ANO2: variants seen among roughly 807,000 people sequenced by gnomAD.
ANO2 encodes the protein anoctamin-2.
A neutral mutation model predicts 124.2 loss-of-function variants in ANO2; 101 were observed. The observed-to-expected ratio is 0.81, with a 90% CI of 0.69 to 0.96. ANO2 has a LOEUF of 0.96. ANO2 is among the 40% of genes least tolerant of loss of function. ANO2 has a pLI of 0.00. For synonymous variants in ANO2, 486 were observed against 482.5 expected (o/e 1.01, Z -0.09); for missense variants, 1,293 against 1,274.5 (o/e 1.01, Z -0.22).
chr12:5,652,599 CTT>C (rs1946966351), intron 14 of ANO2, among the ~76,000 whole-genome samples: 2 of 152,008 alleles, frequency 1.3e-5, no homozygotes, highest in South Asian at 4.2e-4. Flanking sequence ...TCAGACTTTT[CTT>C]GGTGGTGGTG....
At position 5,830,478 on chromosome 12, in the gene ANO2, TG is replaced by T; in HGVS notation, c.796del (p.Gln266ArgfsTer20). The T allele has an allele frequency of 1.2e-6, 2 of 1,612,324 alleles. No individual in the cohort carries two copies. Among genetic ancestry groups the T allele is most frequent in the Non-Finnish European group, 1.7e-6 (2 of 1,179,296 alleles). On this transcript the variant is annotated frameshift_variant, in exon 6 of 25. Transcript: ENST00000682330. LOFTEE classifies it high-confidence loss of function. ...SREKMYLYNI[Q>X]EKDTFFDNAT... The stretch of plus-strand genomic sequence containing the variant: ...ATTATCAAAGAAGGTGTCCTTTTCC[TG>T]GATGTTGTACCTGGAGACACCAAGA...
intron 8 of ANO2, 97 bp from the exon 9 acceptor site, chr12:5,806,190 G>A: frequency 7.8e-7 from 1 of 1,285,142 alleles, no homozygotes; most frequent in Non-Finnish European, 1.1e-6. Context: ...TAATATCATT[G>A]CTTTTTTTTC....
rs57038931 is a variant in ANO2, at chr12:5,873,196, G to GCTCTCTCTCT, written c.535-19065_535-19056dup. ...AACTTTGTTACTTTTGCCTAAAGCA[G>GCTCTCTCTCT]CTCTCTCTCTCTCTCTCTCTCTCTC... is the stretch of plus-strand genomic sequence containing the variant. On this transcript the variant is annotated intron_variant, in intron 3 of 24. Coordinates refer to ENST00000682330, the MANE Select transcript of ANO2 (RefSeq NM_001364791.2). 9.4e-3 allele frequency among the ~76,000 whole-genome samples: 1,117 copies of GCTCTCTCTCT among 118,852 alleles called. 28 individuals are homozygous for GCTCTCTCTCT. Among genetic ancestry groups the GCTCTCTCTCT allele is most frequent in the Middle Eastern group, 0.042 (7 of 166 alleles). The allele number at this position is 118,852 out of a possible 152,430, so 78.0% of individuals were successfully genotyped here.
intron 7 of ANO2, among the ~76,000 whole-genome samples, chr12:5,819,966 T>A (rs1490000805): frequency 6.6e-6 from 1 of 152,106 alleles, no homozygotes; most frequent in Admixed American, 6.5e-5. Flanking sequence ...GGCTTATTAA[T>A]CACAGTGTTC....
In ANO2 at chr12:5,621,744, C is replaced by CAG. The variant is rs1460339813; in HGVS notation, c.1817-6449_1817-6448dup. Among the ~76,000 whole-genome samples the CAG allele has an allele frequency of 2.0e-5, 3 of 151,564 alleles. No individual in the cohort carries two copies. The East Asian group carries it at 5.8e-4, about 29-fold the overall frequency. On this transcript the variant is annotated intron_variant, in intron 16 of 24. Transcript: ENST00000682330. ...CTTCCAGATGAGCATGGGGAAGGAG[C>CAG]AGAGACTGATCTGGGTAACCAACGA...
At chr12:5,816,966 T>A (rs1483470306) in intron 7 of ANO2, among the ~76,000 whole-genome samples, 1 of 152,198 alleles carries the variant, frequency 6.6e-6, no homozygotes, top group South Asian at 2.1e-4. Context: ...TCATTAAATG[T>A]TTTTTGAATG....
At chr12:5,576,574 G>C (rs571207356) in intron 22 of ANO2, among the ~76,000 whole-genome samples, 1 of 152,326 alleles carries the variant, frequency 6.6e-6, no homozygotes, top group East Asian at 1.9e-4. Flanking sequence ...AGAAAACGGA[G>C]ACACAGTGGA....
At chr12:5,905,815 G>A (rs1940638255) in intron 3 of ANO2, among the ~76,000 whole-genome samples, 1 of 152,108 alleles carries the variant, frequency 6.6e-6, no homozygotes, top group Non-Finnish European at 1.5e-5. Context: ...ACACCCCAGG[G>A]CTCAACCTCT....
At chr12:5,829,835 A>T (rs1299123249) in intron 6 of ANO2, among the ~76,000 whole-genome samples, 2 of 152,230 alleles carry the variant, frequency 1.3e-5, no homozygotes, top group East Asian at 3.8e-4. Context: ...CAAACACTTG[A>T]CATGAAGGCA....
intron 14 of ANO2, among the ~76,000 whole-genome samples, chr12:5,680,245 A>C (rs1211757056): frequency 1.3e-5 from 2 of 152,174 alleles, no homozygotes; most frequent in Non-Finnish European, 2.9e-5. Flanking sequence ...ACACACTTTT[A>C]CCTGTGTAAC....
chr12:5,916,680 G>A (rs1294260415), intron 3 of ANO2, among the ~76,000 whole-genome samples: 1 of 149,512 alleles, frequency 6.7e-6, no homozygotes, highest in East Asian at 2.0e-4. Context: ...CAATTTTTCT[G>A]TACATCTAAA....
chr12:5,873,695 C>T (rs952433876), intron 3 of ANO2, among the ~76,000 whole-genome samples: 2 of 152,246 alleles, frequency 1.3e-5, no homozygotes, highest in African/African-American at 4.8e-5. Flanking sequence ...ACTGAAGATG[C>T]ATGGCACCCC....
At chr12:5,729,962 G>A (rs1950572933) in intron 14 of ANO2, among the ~76,000 whole-genome samples, 1 of 152,206 alleles carries the variant, frequency 6.6e-6, no homozygotes, top group African/African-American at 2.4e-5. Context: ...AATCTATAGA[G>A]ACAGAAAGTA....
chr12:5,650,189 T>A (rs1200201033), intron 14 of ANO2, among the ~76,000 whole-genome samples: 1 of 152,134 alleles, frequency 6.6e-6, no homozygotes, highest in Non-Finnish European at 1.5e-5. Context: ...AAGGTTCAGC[T>A]CTGCCCAGGA....
intron 14 of ANO2, among the ~76,000 whole-genome samples, chr12:5,675,010 G>A (rs753625308): frequency 2.0e-5 from 3 of 152,100 alleles, no homozygotes; most frequent in Non-Finnish European, 4.4e-5. Context: ...CAGCCTTACT[G>A]GAATGAAAGC....
chr12:5,824,181 G>C (rs1206948840), intron 7 of ANO2, among the ~76,000 whole-genome samples: 1 of 152,198 alleles, frequency 6.6e-6, no homozygotes. Context: ...ATTAACATTA[G>C]GCTCCTTGCT....
At chr12:5,677,874 C>T (rs1948320810) in intron 14 of ANO2, among the ~76,000 whole-genome samples, 1 of 152,218 alleles carries the variant, frequency 6.6e-6, no homozygotes, top group Non-Finnish European at 1.5e-5. Context: ...GGCTCCCCTT[C>T]TCCCATAGGC....
chr12:5,748,696 G>A (rs540875521), intron 11 of ANO2, among the ~76,000 whole-genome samples: 1 of 151,904 alleles, frequency 6.6e-6, no homozygotes, highest in South Asian at 2.1e-4. Flanking sequence ...CCCCCACAAG[G>A]TAGATAGTTC....
intron 14 of ANO2, among the ~76,000 whole-genome samples, chr12:5,651,730 C>T (rs994947510): frequency 6.6e-6 from 1 of 152,202 alleles, no homozygotes; most frequent in African/African-American, 2.4e-5. Context: ...ATTATTCTCC[C>T]ATGTCCCTTT....
Sources: gnomAD v4.1 joint callset for allele counts (sites outside exome capture counted in the v4.1 genomes callset) on GRCh38, gnomAD v4.1.1 for gene constraint, MANE v1.5 for transcripts, NCBI Gene and HGNC (gene_info 2026-07-23, HGNC 2026-07-21) for gene names.